The following RIN2 variants were observed in gnomAD, a reference collection of about 807,000 sequenced individuals.
RIN2 encodes the protein RAB5 interacting protein 2.
In RIN2, 36 loss-of-function variants were observed where a neutral mutation model predicts 78.0. That is an observed-to-expected ratio of 0.46 (90% CI 0.35 to 0.61). The LOEUF (loss-of-function observed/expected upper bound fraction) is 0.61, where lower values mean the gene tolerates loss of function less well. Ranked by LOEUF, RIN2 falls within the 20% of genes least tolerant of loss-of-function variation. The probability of loss-of-function intolerance (pLI) is 0.00; values close to 1 mark genes in which losing one functional copy is unlikely to be tolerated. For synonymous variants in RIN2, 466 were observed against 466.8 expected (o/e 1.00, Z 0.02); for missense variants, 1,087 against 1,159.7 (o/e 0.94, Z 0.91).
chr20:19,831,957 A>G (rs2123005060), intron 2 of RIN2, among the ~76,000 whole-genome samples: 1 of 152,268 alleles, frequency 6.6e-6, no homozygotes, highest in South Asian at 2.1e-4. Context: ...TGTTTCTAGC[A>G]ATGAATAATA....
chr20:19,818,986 A>G (rs1047865014), intron 2 of RIN2, among the ~76,000 whole-genome samples: 5 of 152,264 alleles, frequency 3.3e-5, no homozygotes, highest in African/African-American at 1.2e-4. Context: ...TGTACATCTC[A>G]GGACAGTATG....
chr20:19,843,185 A>C (rs550562378), intron 2 of RIN2, among the ~76,000 whole-genome samples: 2 of 152,242 alleles, frequency 1.3e-5, no homozygotes, highest in Non-Finnish European at 1.5e-5. Flanking sequence ...AGATACTGTG[A>C]ACAGTGTTAA....
intron 2 of RIN2, among the ~76,000 whole-genome samples, chr20:19,819,009 C>T (rs2035853066): frequency 6.6e-6 from 1 of 152,064 alleles, no homozygotes; most frequent in South Asian, 2.1e-4. Flanking sequence ...CAATATGATC[C>T]CTTCATGTAA....
At chr20:19,778,629 G>A (rs1206393213) in intron 1 of RIN2, among the ~76,000 whole-genome samples, 1 of 152,168 alleles carries the variant, frequency 6.6e-6, no homozygotes, top group Admixed American at 6.5e-5. Context: ...TCCCAAACAC[G>A]GGCTGATTCT....
intron 2 of RIN2, among the ~76,000 whole-genome samples, chr20:19,824,096 T>C (rs1190573590): frequency 6.6e-6 from 1 of 152,158 alleles, no homozygotes; most frequent in Admixed American, 6.5e-5. Context: ...GTTAATTGTA[T>C]AAAAGTTATT....
chr20:19,877,904 C>A (rs1398790023), intron 2 of RIN2, among the ~76,000 whole-genome samples: 1 of 152,084 alleles, frequency 6.6e-6, no homozygotes, highest in African/African-American at 2.4e-5. Context: ...CCTGTAGTCC[C>A]AGCTACTGGA....
At chr20:19,962,783 CCCGTCTCTACTGAAAA>C (rs2041807263) in intron 6 of RIN2, among the ~76,000 whole-genome samples, 1 of 152,184 alleles carries the variant, frequency 6.6e-6, no homozygotes, top group African/African-American at 2.4e-5. Context: ...ATGGTGAAAC[CCCGTCTCTACTGAAAA>C]CACAAAAATT....
intron 3 of RIN2, among the ~76,000 whole-genome samples, chr20:19,906,323 C>T (rs1027273708): frequency 8.5e-5 from 13 of 152,148 alleles, no homozygotes; most frequent in Admixed American, 5.2e-4. Flanking sequence ...GTGGCATGCA[C>T]CTGTAGCCCT....
intron 4 of RIN2, among the ~76,000 whole-genome samples, chr20:19,936,798 T>C (rs6112665): frequency 0.06 from 9,096 of 152,314 alleles, 863 homozygotes; most frequent in African/African-American, 0.21. Flanking sequence ...TTTTCCCAGA[T>C]GAATGTCACT....
rs748686931 is a variant in RIN2, at chr20:19,992,178, T to C, written c.2079T>C (p.Tyr693=). 6.2e-7 allele frequency: 1 copy of C among 1,612,944 alleles called. No individual in the cohort carries two copies. Among genetic ancestry groups the C allele is most frequent in the South Asian group, 1.1e-5 (1 of 90,542 alleles). The change falls in exon 11 of 13, where the codon TAT becomes TAC. Residue 693 remains tyrosine, a synonymous_variant. Transcript: ENST00000255006. ...TVMENNSGRM[Y]GADDFLPVLT... Reference sequence around the variant, plus strand: ...TCTTCCTGCTCTCAGGGAGGATGTATGGCGCTGATGACTTCTTGCCAGTCC... The same window carrying C: ...TCTTCCTGCTCTCAGGGAGGATGTACGGCGCTGATGACTTCTTGCCAGTCC...
chr20:19,859,723 C>T (rs1046074003), intron 2 of RIN2, among the ~76,000 whole-genome samples: 1 of 151,920 alleles, frequency 6.6e-6, no homozygotes, highest in Non-Finnish European at 1.5e-5. Flanking sequence ...CTGAACTTTC[C>T]ACATGGATGT....
chr20:19,940,516 T>C (rs145268277), intron 4 of RIN2, among the ~76,000 whole-genome samples: 2 of 152,276 alleles, frequency 1.3e-5, no homozygotes, highest in East Asian at 1.9e-4. Context: ...CTTTGGCCAA[T>C]AGAGTAGGAG....
At chr20:19,823,822 T>C in intron 2 of RIN2, 1 of 1,603,978 alleles carries the variant, frequency 6.2e-7, no homozygotes, top group South Asian at 1.1e-5. Context: ...ATCACCAACC[T>C]TTTTTGGAGA....
At chr20:19,790,698 C>A (rs993854545) in intron 1 of RIN2, among the ~76,000 whole-genome samples, 1 of 152,132 alleles carries the variant, frequency 6.6e-6, no homozygotes, top group African/African-American at 2.4e-5. Context: ...ACTTCCTTAT[C>A]CTTTGGGTGG....
At chr20:19,969,248 C>T (rs905457353) in intron 7 of RIN2, among the ~76,000 whole-genome samples, 32 of 152,176 alleles carry the variant, frequency 2.1e-4, no homozygotes, top group African/African-American at 6.0e-4. Context: ...TCATTATTCT[C>T]GTCAGTGGAA....
Position 19,842,213 on chromosome 20 carries a change from T to TTTTG in RIN2, c.-37+42491_-37+42494dup, listed in dbSNP as rs4052743. On this transcript the variant is annotated intron_variant, in intron 2 of 12. Transcript: ENST00000255006. ...ATCTGCTTTTTTGTTTCTTTGTTTT[T>TTTTG]TTTGTTTGTTTGTTTGTTTGTTTGT... Among the ~76,000 whole-genome samples, 244 of 149,714 alleles carry TTTTG rather than the reference T, an allele frequency of 1.6e-3. 1 individual carries two copies. Among genetic ancestry groups the TTTTG allele is most frequent in the African/African-American group, 5.3e-3 (214 of 40,516 alleles).
chr20:19,986,338 G>C (rs1188238517), intron 9 of RIN2, among the ~76,000 whole-genome samples: 1 of 152,046 alleles, frequency 6.6e-6, no homozygotes, highest in Non-Finnish European at 1.5e-5. Context: ...AGGGTGGGGA[G>C]GAGGAGTGGG....
At chr20:19,952,688 G>A (rs1277110260) in intron 4 of RIN2, among the ~76,000 whole-genome samples, 2 of 152,234 alleles carry the variant, frequency 1.3e-5, no homozygotes, top group East Asian at 1.9e-4. Flanking sequence ...ATATGTCAAC[G>A]TGTTTACTTT....
rs1369280470 is a variant in RIN2, at chr20:19,798,898, A to G, written c.-162-724A>G. 6.7e-5 allele frequency among the ~76,000 whole-genome samples: 10 copies of G among 150,130 alleles called. 1 individual carries two copies. The Admixed American group carries it at 6.7e-4, about 10-fold the overall frequency. On this transcript the variant is annotated intron_variant, in intron 1 of 12. Transcript: ENST00000255006. ...AGTTAAAAATGAAATATAGGATAAT[A>G]TAGTAATTTTTTTTTTTTTGAAATG... is the stretch of plus-strand genomic sequence containing the variant.
Sources: allele counts gnomAD v4.1 joint callset (sites outside exome capture counted in the v4.1 genomes callset), GRCh38; gene constraint gnomAD v4.1.1; transcripts MANE v1.5; gene names NCBI Gene and HGNC (gene_info 2026-07-23, HGNC 2026-07-21).